The following TUSC3 variants were observed in gnomAD, a reference collection of about 807,000 sequenced individuals.
TUSC3 encodes the protein dolichyl-diphosphooligosaccharide--protein glycosyltransferase subunit TUSC3.
Under a neutral mutation model 44.8 loss-of-function variants are expected in TUSC3, and 45 were observed. That is an observed-to-expected ratio of 1.00 (90% CI 0.79 to 1.29). The LOEUF is 1.29. TUSC3 is among the 50% of genes most tolerant of loss of function. The probability of loss-of-function intolerance (pLI) is 0.00; values close to 1 mark genes in which losing one functional copy is unlikely to be tolerated. For synonymous variants in TUSC3, 212 were observed against 152.9 expected (o/e 1.39, Z -2.85); for missense variants, 519 against 437.9 (o/e 1.19, Z -1.65).
chr8:15,715,159 A>T (rs1005768181), intron 6 of TUSC3, among the ~76,000 whole-genome samples: 1 of 152,122 alleles, frequency 6.6e-6, no homozygotes, highest in Non-Finnish European at 1.5e-5. Context: ...CAAGACCATC[A>T]TTCAGTGCTT....
intron 9 of TUSC3, among the ~76,000 whole-genome samples, chr8:15,756,041 C>G (rs557084432): frequency 2.6e-5 from 4 of 152,110 alleles, no homozygotes; most frequent in Non-Finnish European, 5.9e-5. Flanking sequence ...TGCTTCCTAA[C>G]TGTTCATTAG....
chr8:15,495,836 T>C (rs1372084538), intron 2 of TUSC3, among the ~76,000 whole-genome samples: 1 of 152,156 alleles, frequency 6.6e-6, no homozygotes, highest in Admixed American at 6.5e-5. Flanking sequence ...CCATCCACTT[T>C]TAGTTTCTTT....
At position 15,601,244 on chromosome 8, in the gene TUSC3, A is replaced by G. The variant is rs191894492; in HGVS notation, c.139-21836A>G. Among the ~76,000 whole-genome samples the G allele has an allele frequency of 5.9e-5, 9 of 151,726 alleles. No individual in the cohort carries two copies. The East Asian group carries it at 1.7e-3, about 29-fold the overall frequency. Reference sequence around the variant, plus strand: ...ACTTATTATCATGGCTGGGTAATTTATGTTTGAATTTGTCAGTCTATAAAA... The same window carrying G: ...ACTTATTATCATGGCTGGGTAATTTGTGTTTGAATTTGTCAGTCTATAAAA... On this transcript the variant is annotated intron_variant, in intron 1 of 10. Coordinates refer to ENST00000503731, the MANE Select transcript of TUSC3 (RefSeq NM_006765.4).
At chr8:15,621,898 T>G (rs116141073) in intron 1 of TUSC3, among the ~76,000 whole-genome samples, 2 of 152,082 alleles carry the variant, frequency 1.3e-5, no homozygotes, top group Non-Finnish European at 2.9e-5. Context: ...CAGCTTACTT[T>G]CCTTCCCTTC....
At chr8:15,832,410 C>G in the TUSC3 span, among the ~76,000 whole-genome samples, 3 of 152,108 alleles carry the variant, frequency 2.0e-5, no homozygotes, top group Non-Finnish European at 4.4e-5. Context: ...ATCATGATGA[C>G]AGGATCAAAT....
chr8:15,555,470 T>C (rs966141451), intron 1 of TUSC3, among the ~76,000 whole-genome samples: 1 of 150,574 alleles, frequency 6.6e-6, no homozygotes, highest in Non-Finnish European at 1.5e-5. Flanking sequence ...CTAGTTTTTT[T>C]GTATTGTAGA....
chr8:15,555,276 ATTTTTTTTTTTTTT>A lies in TUSC3; in HGVS notation c.138+14730_138+14743del, dbSNP rs35757466. Among the ~76,000 whole-genome samples the A allele has an allele frequency of 5.6e-3, 250 of 44,904 alleles. 12 individuals carry two copies. The highest frequency in any genetic ancestry group is 0.055 in the Admixed American group (185 of 3,344). 29.5% of individuals were successfully genotyped at this position (44,904 alleles called of 152,430 possible). A position where few individuals can be genotyped will look rare whatever the true frequency, so the allele number is the denominator to read the frequency against. ...GTTCATGTGCCACCATGCCAGGCTA[ATTTTTTTTTTTTTT>A]TTTTTTTTTTTTTTTTTTTTTAAAG... On this transcript the variant is annotated intron_variant, in intron 1 of 10. Transcript: ENST00000503731.
intron 6 of TUSC3, among the ~76,000 whole-genome samples, chr8:15,708,298 GGGAATAGATTA>G (rs1350214104): frequency 3.3e-5 from 5 of 151,892 alleles, no homozygotes; most frequent in Non-Finnish European, 7.4e-5. Flanking sequence ...AAAGTTGATT[GGGAATAGATTA>G]GGAAAAACCT....
At chr8:15,533,789 C>T (rs1179173614) in intron 2 of TUSC3, among the ~76,000 whole-genome samples, 1 of 152,072 alleles carries the variant, frequency 6.6e-6, no homozygotes, top group Non-Finnish European at 1.5e-5. Context: ...GAGAAGTTTA[C>T]TGAGGGGTTG....
At chr8:15,805,345 T>C in the TUSC3 span, among the ~76,000 whole-genome samples, 1 of 152,182 alleles carries the variant, frequency 6.6e-6, no homozygotes, top group Non-Finnish European at 1.5e-5. Flanking sequence ...CTGATTACTC[T>C]GGCAAAGACT....
chr8:15,799,194 C>T, the TUSC3 span, among the ~76,000 whole-genome samples: 1 of 152,138 alleles, frequency 6.6e-6, no homozygotes, highest in Admixed American at 6.5e-5. Flanking sequence ...GCCTGATGGA[C>T]TGCAGGAGGC....
At chr8:15,591,637 A>G (rs1008988620) in intron 1 of TUSC3, among the ~76,000 whole-genome samples, 15 of 152,204 alleles carry the variant, frequency 9.9e-5, no homozygotes, top group African/African-American at 3.6e-4. Context: ...TGATTGGGAA[A>G]AGCTTTATTT....
At chr8:15,696,163 G>T (rs1809151315) in intron 6 of TUSC3, among the ~76,000 whole-genome samples, 1 of 152,148 alleles carries the variant, frequency 6.6e-6, no homozygotes, top group Non-Finnish European at 1.5e-5. Flanking sequence ...AGAGGCCTAG[G>T]AGGCAAAAAT....
intron 6 of TUSC3, among the ~76,000 whole-genome samples, chr8:15,694,435 CAAAAAA>C (rs146718595): frequency 6.0e-5 from 5 of 83,230 alleles, no homozygotes; most frequent in African/African-American, 2.2e-4. Context: ...AAACTCCATC[CAAAAAA>C]AAAAAAAAAA....
At chr8:15,446,579 G>A (rs929153648) in intron 1 of TUSC3, among the ~76,000 whole-genome samples, 1 of 151,872 alleles carries the variant, frequency 6.6e-6, no homozygotes, top group African/African-American at 2.4e-5. Flanking sequence ...ATACAAAAAC[G>A]AGTCAGGCGT....
At chr8:15,718,648 TC>T (rs767645256) in intron 6 of TUSC3, among the ~76,000 whole-genome samples, 13 of 152,150 alleles carry the variant, frequency 8.5e-5, no homozygotes, top group Non-Finnish European at 1.9e-4. Flanking sequence ...CATGTATTTT[TC>T]TTATAATTAA....
intron 3 of TUSC3, among the ~76,000 whole-genome samples, chr8:15,656,209 G>C (rs375541496): frequency 6.6e-6 from 1 of 151,930 alleles, no homozygotes; most frequent in African/African-American, 2.4e-5. Context: ...CATTCATTTT[G>C]TCCCAATACT....
intron 1 of TUSC3, among the ~76,000 whole-genome samples, chr8:15,448,360 C>T (rs1171270744): frequency 6.6e-6 from 1 of 151,892 alleles, no homozygotes; most frequent in Non-Finnish European, 1.5e-5. Flanking sequence ...CTCAGGCAAT[C>T]CACCCGCCTT....
chr8:15,512,819 GGT>G (rs3070876), intron 2 of TUSC3, among the ~76,000 whole-genome samples: 136,509 of 141,766 alleles, frequency 0.96, 65,959 homozygotes, highest in East Asian at 1. Context: ...TCTGTCTTGG[GGT>G]GTGTGTGTGT....
Sources: allele counts gnomAD v4.1 joint callset (sites outside exome capture counted in the v4.1 genomes callset), GRCh38; gene constraint gnomAD v4.1.1; transcripts MANE v1.5; gene names NCBI Gene and HGNC (gene_info 2026-07-23, HGNC 2026-07-21).